Variants in PPP2R5D observed in about 807,000 individuals in gnomAD.
PPP2R5D encodes protein phosphatase 2 regulatory subunit B'delta, also known as serine/threonine-protein phosphatase 2A 56 kDa regulatory subunit delta isoform.
PPP2R5D carries 12 observed loss-of-function variants against 79.1 expected under a neutral mutation model. The ratio of observed to expected loss-of-function variants is 0.15; its 90% CI spans 0.10 to 0.25. The LOEUF (loss-of-function observed/expected upper bound fraction) is 0.25. PPP2R5D is among the 10% of genes least tolerant of loss of function. PPP2R5D has a pLI of 1.00. For synonymous variants in PPP2R5D, 277 were observed against 286.6 expected (o/e 0.97, Z 0.34); for missense variants, 419 against 760.2 (o/e 0.55, Z 5.28).
chr6:42,995,889 GTC>G lies in PPP2R5D; in HGVS notation c.105+6204_105+6205del, dbSNP rs567359763. ...CCTGTGAGAGTGAGACAGTGAGACA[GTC>G]TCACTGTCGCCCAGGCTGGAGTGCA... On this transcript the variant is annotated intron_variant, in intron 2 of 15. Transcript: ENST00000485511. Among the ~76,000 whole-genome samples, 379 of 141,368 alleles carry G rather than the reference GTC, an allele frequency of 2.7e-3. 1 individual carries two copies. The highest frequency in any genetic ancestry group is 9.3e-3 in the African/African-American group (351 of 37,794). The allele number at this position is 141,368 out of a possible 152,430, so 92.7% of individuals were successfully genotyped here.
intron 2 of PPP2R5D, among the ~76,000 whole-genome samples, chr6:42,996,195 G>T (rs572711946): frequency 6.7e-6 from 1 of 149,398 alleles, no homozygotes; most frequent in Admixed American, 6.7e-5. Flanking sequence ...CAGGCGCGGT[G>T]GTTCACACCT....
At chr6:43,000,308 G>A (rs1246661910) in intron 2 of PPP2R5D, among the ~76,000 whole-genome samples, 1 of 145,408 alleles carries the variant, frequency 6.9e-6, no homozygotes, top group African/African-American at 2.7e-5. Flanking sequence ...TGTGATTTTG[G>A]CTCACTGCAT....
chr6:42,999,040 A>G lies in PPP2R5D; in HGVS notation c.106-7423A>G, dbSNP rs1245221541. 3.3e-5 allele frequency among the ~76,000 whole-genome samples: 5 copies of G among 152,150 alleles called. No individual in the cohort carries two copies. The East Asian group carries it at 9.6e-4, about 29-fold the overall frequency. On this transcript the variant is annotated intron_variant, in intron 2 of 15. Coordinates refer to ENST00000485511, the MANE Select transcript of PPP2R5D (RefSeq NM_006245.4). Reference sequence around the variant, plus strand: ...GCAGAGTGAGACCCTGTCTCAAAATAAATAAATAAATAGAGTCCCGAAGTG... The same window carrying G: ...GCAGAGTGAGACCCTGTCTCAAAATGAATAAATAAATAGAGTCCCGAAGTG...
At chr6:42,990,699 CTTTTTTTTTTTT>C (rs70990164) in intron 2 of PPP2R5D, among the ~76,000 whole-genome samples, 22 of 51,576 alleles carry the variant, frequency 4.3e-4, no homozygotes, top group African/African-American at 2.4e-4. Flanking sequence ...CAGTATTCTA[CTTTTTTTTTTTT>C]TTTTTTTTTT....
In PPP2R5D at chr6:43,008,539, T is replaced by A; in HGVS notation, c.1026+64T>A. The A allele has an allele frequency of 6.6e-7, 1 of 1,521,046 alleles. No homozygotes were observed. Among genetic ancestry groups the A allele is most frequent in the Non-Finnish European group, 9.1e-7 (1 of 1,096,590 alleles). 94.2% of individuals were successfully genotyped at this position (1,521,046 alleles called of 1,614,324 possible). A position where few individuals can be genotyped will look rare whatever the true frequency, so the allele number is the denominator to read the frequency against. ...GCAGAGAAAAGAGCCGGCAGGAAAG[T>A]GTTCCAGCTGGGATAGGGGAAGCAT... On this transcript the variant is annotated intron_variant, in intron 9 of 15. Coordinates refer to ENST00000485511, the MANE Select transcript of PPP2R5D (RefSeq NM_006245.4). This position sits in a 1 kb window ranked among gnomAD's most constrained non-coding sequence, Gnocchi z 4.2.
At chr6:42,999,317 A>ATACC (rs2150266542) in intron 2 of PPP2R5D, among the ~76,000 whole-genome samples, 1 of 152,280 alleles carries the variant, frequency 6.6e-6, no homozygotes, top group Admixed American at 6.5e-5. Context: ...TAGACAGCGG[A>ATACC]TACCTCATTG....
At chr6:42,993,771 G>A (rs1005482474) in intron 2 of PPP2R5D, among the ~76,000 whole-genome samples, 1 of 152,160 alleles carries the variant, frequency 6.6e-6, no homozygotes. Flanking sequence ...CCCCAATCCA[G>A]TATGATCTCA....
chr6:42,998,715 T>C (rs1050808998), intron 2 of PPP2R5D, among the ~76,000 whole-genome samples: 2 of 151,352 alleles, frequency 1.3e-5, no homozygotes, highest in African/African-American at 4.9e-5. Flanking sequence ...CTGGGCAACA[T>C]GGTGAAACCC....
At chr6:43,003,859 C>T (rs1423702796) in intron 2 of PPP2R5D, among the ~76,000 whole-genome samples, 2 of 151,858 alleles carry the variant, frequency 1.3e-5, no homozygotes, top group Middle Eastern at 3.2e-3. Context: ...CTCAGCCTCC[C>T]GAGTAGCTGG....
intron 1 of PPP2R5D, among the ~76,000 whole-genome samples, chr6:42,988,046 C>T (rs1235986018): frequency 6.6e-6 from 1 of 152,106 alleles, no homozygotes; most frequent in Admixed American, 6.5e-5. Flanking sequence ...GGAGCGTGCT[C>T]AGGCCAAAGA....
At chr6:43,002,366 T>C (rs1761790022) in intron 2 of PPP2R5D, among the ~76,000 whole-genome samples, 1 of 152,108 alleles carries the variant, frequency 6.6e-6, no homozygotes. Flanking sequence ...GGTTTCACCA[T>C]GTTGGCCAGG....
At position 43,009,259 on chromosome 6, in the gene PPP2R5D, T is replaced by A; in HGVS notation, c.1251+32T>A. ...CTCCAACCTAGCATATCCTAGCCCC[T>A]GCCAGAAACTGAGGTCTTGAGTGAA... On this transcript the variant is annotated intron_variant, in intron 11 of 15. Coordinates refer to ENST00000485511, the MANE Select transcript of PPP2R5D (RefSeq NM_006245.4). This position sits in a 1 kb window ranked among gnomAD's most constrained non-coding sequence, Gnocchi z 5.6. 2 of 1,613,974 alleles carry A rather than the reference T, an allele frequency of 1.2e-6. No individual in the cohort carries two copies. The highest frequency in any genetic ancestry group is 1.7e-6 in the Non-Finnish European group (2 of 1,179,942).
At chr6:42,990,435 A>G (rs946109499) in intron 2 of PPP2R5D, among the ~76,000 whole-genome samples, 6 of 152,210 alleles carry the variant, frequency 3.9e-5, no homozygotes, top group Non-Finnish European at 8.8e-5. Context: ...CTGGAAACAC[A>G]GCTCTCTAGT....
Position 43,008,221 on chromosome 6 carries a change from A to G in PPP2R5D, c.878A>G (p.His293Arg), listed in dbSNP as rs1340255954. Reference sequence around the variant, plus strand: ...CTCAGGTTCATCTACGAGACGGAGCATCACAACGGGATTGCTGAGCTCCTG... The same window carrying G: ...CTCAGGTTCATCTACGAGACGGAGCGTCACAACGGGATTGCTGAGCTCCTG... The part of the protein sequence containing the change: ...IFYRFIYETE[H>R]HNGIAELLEI... Residue 293 changes from histidine to arginine, a missense_variant, in exon 8 of 16, where the codon CAT becomes CGT. Around this residue, in one of 5 missense-constraint regions of PPP2R5D, gnomAD observed 196 missense variants for 424.5 expected, o/e 0.46. Coordinates refer to ENST00000485511, the MANE Select transcript of PPP2R5D (RefSeq NM_006245.4). This position sits in a 1 kb window ranked among gnomAD's most constrained non-coding sequence, Gnocchi z 4.2. 1.2e-6 allele frequency: 2 copies of G among 1,614,068 alleles called. No individual in the cohort carries two copies. The highest frequency in any genetic ancestry group is 2.7e-5 in the African/African-American group (2 of 74,928).
Position 42,989,618 on chromosome 6 carries a change from C to A in PPP2R5D, c.35C>A (p.Pro12His), listed in dbSNP as rs1306373469. The change falls in exon 2 of 16, where the codon CCC (proline) becomes CAC (histidine). Residue 12 changes from proline (P) to histidine (H), a missense_variant. By Grantham distance (77) the Pro-to-His change is moderately conservative (BLOSUM62 -2). This residue lies in a region of PPP2R5D where 110 missense variants were observed against 147.6 expected (regional missense o/e 0.75). Coordinates refer to ENST00000485511, the MANE Select transcript of PPP2R5D (RefSeq NM_006245.4). The stretch of plus-strand genomic sequence containing the variant: ...TTCATCTTTTCCTTTCAGGAGCCCC[C>A]CAAGGTTGCCAAATGCACAGCCAAG... ...PYKLKKEKEP[P>H]KVAKCTAKPS... The A allele has an allele frequency of 5.0e-6, 8 of 1,613,520 alleles. No homozygotes were observed. Among genetic ancestry groups the A allele is most frequent in the Non-Finnish European group, 6.8e-6 (8 of 1,179,582 alleles).
intron 2 of PPP2R5D, among the ~76,000 whole-genome samples, chr6:42,998,050 T>TAC (rs1771899945): frequency 3.7e-5 from 1 of 27,268 alleles, no homozygotes; most frequent in African/African-American, 1.1e-4. Context: ...TATATATATA[T>TAC]ATATATATTT....
At chr6:42,990,157 C>A (rs1249581573) in intron 2 of PPP2R5D, among the ~76,000 whole-genome samples, 1 of 152,126 alleles carries the variant, frequency 6.6e-6, no homozygotes, top group Non-Finnish European at 1.5e-5. Flanking sequence ...AAAAGACAGT[C>A]CTGAGCAGAG....
At chr6:42,998,518 G>A (rs1771952149) in intron 2 of PPP2R5D, among the ~76,000 whole-genome samples, 1 of 152,144 alleles carries the variant, frequency 6.6e-6, no homozygotes, top group East Asian at 1.9e-4. Context: ...CTGAATCTAG[G>A]AAGGCTTCTT....
rs958700013 is a variant in PPP2R5D at position 42,984,689 on chromosome 6, A to C, written c.12A>C (p.Lys4Asn). Reference protein sequence around the residue: MPYKLKKEKEPPKV... With the variant: MPYNLKKEKEPPKV... ...CCGGACGGGCCGAGATGCCCTATAA[A>C]CTGAAAAAGGAGAAGGTGAGCGTGG... The change falls in exon 1 of 16, where the codon AAA (lysine) becomes AAC (asparagine). Residue 4 changes from lysine (K) to asparagine (N), a missense_variant. Transcript: ENST00000485511. The C allele has an allele frequency of 1.9e-6, 3 of 1,611,644 alleles. No individual in the cohort carries two copies. The highest frequency in any genetic ancestry group is 2.5e-6 in the Non-Finnish European group (3 of 1,179,104).
Sources: gnomAD v4.1 joint callset for allele counts (sites outside exome capture counted in the v4.1 genomes callset) on GRCh38, gnomAD v4.1.1 for gene constraint, gnomAD v4.1.1 regional missense constraint, Gnocchi (gnomAD v3.1) non-coding constraint, MANE v1.5 for transcripts, NCBI Gene and HGNC (gene_info 2026-07-23, HGNC 2026-07-21) for gene names.